Variants in ELAPOR2 observed in about 807,000 individuals in gnomAD.
ELAPOR2 encodes endosome/lysosome-associated apoptosis and autophagy regulator family member 2.
Under a neutral mutation model 120.7 loss-of-function variants are expected in ELAPOR2, and 89 were observed. That is an observed-to-expected ratio of 0.74 (90% CI 0.62 to 0.88). ELAPOR2 has a LOEUF of 0.88. Ranked by LOEUF, ELAPOR2 falls within the 40% of genes least tolerant of loss-of-function variation. The pLI, the probability that ELAPOR2 is intolerant of heterozygous loss-of-function variation, is 0.00. For missense variants in ELAPOR2, 1,134 were observed against 1,251.6 expected (o/e 0.91, Z 1.42); for synonymous variants, 444 against 444.9 (o/e 1.00, Z 0.03).
At chr7:87,035,785 A>G (rs1352552708) in intron 1 of ELAPOR2, among the ~76,000 whole-genome samples, 7 of 152,184 alleles carry the variant, frequency 4.6e-5, no homozygotes, top group Non-Finnish European at 7.3e-5. Flanking sequence ...TTCCCATTCT[A>G]TGCTTGAACA....
Position 86,907,760 on chromosome 7 carries a change from G to A in ELAPOR2, c.2468C>T (p.Ala823Val). Residue 823 changes from alanine to valine, a missense_variant, in exon 18 of 22, where the codon GCA (alanine) becomes GTA (valine). Ala to Val is a moderately conservative substitution (Grantham distance 64, BLOSUM62 0). Coordinates refer to ENST00000450689, the MANE Select transcript of ELAPOR2 (RefSeq NM_001142749.3). ...TCGGCCATTAATACAAGATGTTGTT[G>A]CTGTAGAAGACCTATTGTAAGCCAA... ...DVHFFYKSST[A>V]TTSCINGRST... The A allele has an allele frequency of 6.4e-7, 1 of 1,562,432 alleles. No individual in the cohort carries two copies. The highest frequency in any genetic ancestry group is 8.6e-7 in the Non-Finnish European group (1 of 1,161,338).
intron 1 of ELAPOR2, among the ~76,000 whole-genome samples, chr7:86,978,807 A>G (rs1425054118): frequency 6.6e-6 from 1 of 152,226 alleles, no homozygotes; most frequent in Admixed American, 6.5e-5. Context: ...TTTAGGCTTG[A>G]GTGCCAAGAA....
intron 1 of ELAPOR2, among the ~76,000 whole-genome samples, chr7:87,058,088 C>A (rs1795316909): frequency 6.6e-6 from 1 of 152,236 alleles, no homozygotes; most frequent in South Asian, 2.1e-4. Context: ...TCCCCAATTA[C>A]AACATTGCTG....
chr7:87,010,367 T>C (rs1055284490), intron 1 of ELAPOR2, among the ~76,000 whole-genome samples: 11 of 152,232 alleles, frequency 7.2e-5, no homozygotes, highest in African/African-American at 2.7e-4. Flanking sequence ...AAGTACTACC[T>C]ATGTCTTTCA....
At chr7:86,935,821 A>G (rs1242268819) in intron 8 of ELAPOR2, among the ~76,000 whole-genome samples, 3 of 152,064 alleles carry the variant, frequency 2.0e-5, no homozygotes, top group Non-Finnish European at 4.4e-5. Context: ...AGTATGAATG[A>G]GCAAGCCATT....
chr7:86,914,686 GT>G, intron 13 of ELAPOR2, 36 bp downstream of exon 13: 1 of 1,567,728 alleles, frequency 6.4e-7, no homozygotes, highest in Non-Finnish European at 8.6e-7. Context: ...CATCATTAGT[GT>G]GTTTAAAATT....
Position 86,882,499 on chromosome 7 carries a change from G to C in ELAPOR2, c.3031-1969C>G, listed in dbSNP as rs959173749. On this transcript the variant is annotated intron_variant, in intron 21 of 21. Coordinates refer to ENST00000450689, the MANE Select transcript of ELAPOR2 (RefSeq NM_001142749.3). The stretch of plus-strand genomic sequence containing the variant: ...ATGTTGAGATAATAGGGCTTTAATA[G>C]CCCTGTCCTCTGCATTTGCATGGGA... 3.9e-5 allele frequency among the ~76,000 whole-genome samples: 6 copies of C among 152,122 alleles called. No individual in the cohort carries two copies. In the South Asian group the frequency reaches 1.2e-3, roughly 32 times the overall value.
chr7:87,039,929 A>G lies in ELAPOR2; in HGVS notation c.189+19396T>C, dbSNP rs549669794. Among the ~76,000 whole-genome samples the G allele has an allele frequency of 5.9e-5, 9 of 152,280 alleles. No homozygotes were observed. The South Asian group carries it at 1.2e-3, about 21-fold the overall frequency. Reference sequence around the variant, plus strand: ...TGGGTGCGCGCACCGTGCACGAGCCAAAGCAGGGTGAGGCATTGCCTCACT... The same window carrying G: ...TGGGTGCGCGCACCGTGCACGAGCCGAAGCAGGGTGAGGCATTGCCTCACT... On this transcript the variant is annotated intron_variant, in intron 1 of 21. Transcript: ENST00000450689.
intron 1 of ELAPOR2, among the ~76,000 whole-genome samples, chr7:87,037,464 G>A (rs963040862): frequency 3.3e-5 from 5 of 151,766 alleles, no homozygotes; most frequent in East Asian, 1.9e-4. Context: ...TGTATCACTC[G>A]GTTGCAGACT....
chr7:86,892,050 TATC>T lies in ELAPOR2; in HGVS notation c.2865-164_2865-162del, dbSNP rs1171662558. On this transcript the variant is annotated intron_variant, in intron 20 of 21. Coordinates refer to ENST00000450689, the MANE Select transcript of ELAPOR2 (RefSeq NM_001142749.3). ...CCTATAGCCATAGCAATATGTGTGT[TATC>T]ATGTATCTACCATTTACAAAGAAAT... Among the ~76,000 whole-genome samples, 7 of 152,092 alleles carry T rather than the reference TATC, an allele frequency of 4.6e-5. 1 individual carries two copies. The highest frequency in any genetic ancestry group is 4.6e-4 in the Admixed American group (7 of 15,244).
intron 1 of ELAPOR2, among the ~76,000 whole-genome samples, chr7:87,002,214 C>T (rs1793340084): frequency 6.6e-6 from 1 of 152,120 alleles, no homozygotes; most frequent in Non-Finnish European, 1.5e-5. Flanking sequence ...AGTCACGGTA[C>T]CCCTCTAGCA....
intron 1 of ELAPOR2, among the ~76,000 whole-genome samples, chr7:87,040,791 G>C (rs1229651542): frequency 1.3e-5 from 2 of 152,192 alleles, no homozygotes; most frequent in Non-Finnish European, 2.9e-5. Flanking sequence ...GAGAGAAGAA[G>C]GCTTCAGACA....
At chr7:86,960,286 T>C (rs937998101) in intron 2 of ELAPOR2, among the ~76,000 whole-genome samples, 9 of 152,332 alleles carry the variant, frequency 5.9e-5, no homozygotes, top group African/African-American at 2.2e-4. Flanking sequence ...AGTCTCACTC[T>C]GTCGCCCAGG....
At chr7:87,023,179 A>G (rs1794120596) in intron 1 of ELAPOR2, among the ~76,000 whole-genome samples, 1 of 152,136 alleles carries the variant, frequency 6.6e-6, no homozygotes, top group Non-Finnish European at 1.5e-5. Flanking sequence ...GTTTTCTTCT[A>G]GGGTTTGTAT....
chr7:87,034,859 G>C (rs1202987354), intron 1 of ELAPOR2, among the ~76,000 whole-genome samples: 1 of 152,104 alleles, frequency 6.6e-6, no homozygotes, highest in Admixed American at 6.5e-5. Context: ...AAGGCGGCTG[G>C]ATCACCTAAG....
At chr7:86,923,693 A>T (rs569906310) in intron 10 of ELAPOR2, among the ~76,000 whole-genome samples, 13 of 152,228 alleles carry the variant, frequency 8.5e-5, no homozygotes, top group African/African-American at 2.2e-4. Context: ...TGTTTTCTGT[A>T]CAACTTGCAC....
intron 8 of ELAPOR2, among the ~76,000 whole-genome samples, chr7:86,929,721 G>A (rs1425298971): frequency 6.6e-6 from 1 of 151,780 alleles, no homozygotes; most frequent in Admixed American, 6.6e-5. Context: ...CTGTCCCCAT[G>A]CAAGTCTTAT....
At chr7:86,928,062 G>T (rs1014734785) in intron 8 of ELAPOR2, among the ~76,000 whole-genome samples, 2 of 151,862 alleles carry the variant, frequency 1.3e-5, no homozygotes, top group Non-Finnish European at 2.9e-5. Flanking sequence ...GAAGAAGGAG[G>T]CTTAAGAAAA....
intron 2 of ELAPOR2, among the ~76,000 whole-genome samples, 153 bp downstream of exon 2, chr7:86,964,751 T>C (rs1791842212): frequency 6.6e-6 from 1 of 152,224 alleles, no homozygotes; most frequent in Non-Finnish European, 1.5e-5. Context: ...GGACATCTAG[T>C]GATGAGAAAG....
Sources: allele counts gnomAD v4.1 joint callset (sites outside exome capture counted in the v4.1 genomes callset), GRCh38; gene constraint gnomAD v4.1.1; transcripts MANE v1.5; gene names NCBI Gene and HGNC (gene_info 2026-07-23, HGNC 2026-07-21).